LDLRAD3: variants seen among roughly 807,000 people sequenced by gnomAD.
LDLRAD3 encodes low density lipoprotein receptor class A domain containing 3, also known as low-density lipoprotein receptor class A domain-containing protein 3.
LDLRAD3 carries 20 observed loss-of-function variants against 29.4 expected under a neutral mutation model. The observed-to-expected ratio is 0.68, with a 90% CI of 0.48 to 0.99. The LOEUF is 0.99. Among genes scored for constraint, LDLRAD3 ranks in the 50% least tolerant of loss-of-function variants. LDLRAD3 has a pLI of 0.00. For missense variants in LDLRAD3, 420 were observed against 454.3 expected, an observed-to-expected ratio of 0.92 and a Z score of 0.69; for synonymous variants, 157 against 192.7, an observed-to-expected ratio of 0.81 and a Z score of 1.53.
At chr11:35,962,756 C>A (rs1565127028) in intron 1 of LDLRAD3, among the ~76,000 whole-genome samples, 1 of 152,144 alleles carries the variant, frequency 6.6e-6, no homozygotes, top group African/African-American at 2.4e-5. Flanking sequence ...AAATTAAAAT[C>A]TCTGTAGACT....
rs968704910 is a variant in LDLRAD3 at position 36,231,982 on chromosome 11, A to G, written c.*2585A>G. The G allele has an allele frequency of 1.3e-5, 2 of 152,212 alleles. No homozygotes were observed. Among genetic ancestry groups the G allele is most frequent in the African/African-American group, 2.4e-5 (1 of 41,446 alleles). The allele number at this position is 152,212 out of a possible 1,614,324, so 9.4% of individuals were successfully genotyped here. On this transcript the variant is annotated 3_prime_UTR_variant, in exon 6 of 6. Coordinates refer to ENST00000315571, the MANE Select transcript of LDLRAD3 (RefSeq NM_174902.4). Reference sequence around the variant, plus strand: ...CAGCTCCCTCTACCTTGAAATTGACATTTTTAAAAAATGCAACTAAGTGGT... The same window carrying G: ...CAGCTCCCTCTACCTTGAAATTGACGTTTTTAAAAAATGCAACTAAGTGGT...
chr11:36,036,439 A>G (rs1852305959), intron 2 of LDLRAD3, among the ~76,000 whole-genome samples, 190 bp downstream of exon 2: 1 of 151,938 alleles, frequency 6.6e-6, no homozygotes, highest in South Asian at 2.1e-4. Flanking sequence ...AGACACAGGG[A>G]TCTTGGTGGT....
intron 1 of LDLRAD3, among the ~76,000 whole-genome samples, chr11:35,996,330 G>A (rs1399353432): frequency 6.6e-6 from 1 of 152,110 alleles, no homozygotes; most frequent in African/African-American, 2.4e-5. Flanking sequence ...CTGATGGTGG[G>A]GTAGTAAGAG....
chr11:36,179,299 C>G (rs549939376), intron 4 of LDLRAD3, among the ~76,000 whole-genome samples: 1 of 152,182 alleles, frequency 6.6e-6, no homozygotes, highest in South Asian at 2.1e-4. Flanking sequence ...CATGGTGAAA[C>G]CCCATCTCTA....
chr11:35,963,436 T>G (rs888388676), intron 1 of LDLRAD3, among the ~76,000 whole-genome samples: 4 of 151,384 alleles, frequency 2.6e-5, no homozygotes, highest in African/African-American at 7.3e-5. Context: ...TGTGTGTGTT[T>G]TTTTTTTTTT....
At chr11:36,140,690 G>A (rs1045885592) in intron 4 of LDLRAD3, among the ~76,000 whole-genome samples, 64 of 151,958 alleles carry the variant, frequency 4.2e-4, no homozygotes, top group Admixed American at 5.9e-4. Flanking sequence ...CTAAGTGCTG[G>A]GATTACAGAC....
At chr11:36,194,407 C>G (rs945353343) in intron 4 of LDLRAD3, among the ~76,000 whole-genome samples, 3 of 152,168 alleles carry the variant, frequency 2.0e-5, no homozygotes, top group Non-Finnish European at 2.9e-5. Context: ...GAAGTGTAAT[C>G]CTATTGTGTA....
intron 4 of LDLRAD3, among the ~76,000 whole-genome samples, chr11:36,182,692 G>T (rs1233009479): frequency 6.6e-6 from 1 of 152,142 alleles, no homozygotes; most frequent in Non-Finnish European, 1.5e-5. Context: ...ATTGTGGAAT[G>T]TTGCCACTCA....
intron 3 of LDLRAD3, among the ~76,000 whole-genome samples, chr11:36,082,950 A>C (rs7113890): frequency 0.97 from 147,198 of 152,312 alleles, 71,306 homozygotes; most frequent in East Asian, 1. Flanking sequence ...CTACTTGAGC[A>C]TTCATAATTA....
chr11:36,218,350 C>T (rs1249968990), intron 4 of LDLRAD3, among the ~76,000 whole-genome samples: 5 of 152,182 alleles, frequency 3.3e-5, no homozygotes, highest in African/African-American at 1.2e-4. Context: ...CTGTGAACGA[C>T]AGGCCAAACA....
intron 1 of LDLRAD3, among the ~76,000 whole-genome samples, chr11:36,034,028 C>T (rs1852273362): frequency 6.6e-6 from 1 of 152,200 alleles, no homozygotes; most frequent in Admixed American, 6.5e-5. Context: ...CTCTGGGCTA[C>T]GTCTTCCTGC....
At chr11:36,116,715 T>G (rs1379483533) in intron 4 of LDLRAD3, among the ~76,000 whole-genome samples, 3 of 151,940 alleles carry the variant, frequency 2.0e-5, no homozygotes, top group African/African-American at 4.8e-5. Context: ...CTGGCACTAG[T>G]TTAAAAGCCA....
chr11:36,064,235 A>C (rs1207803609), intron 2 of LDLRAD3, among the ~76,000 whole-genome samples: 3 of 152,166 alleles, frequency 2.0e-5, no homozygotes, highest in Non-Finnish European at 4.4e-5. Context: ...ATACAAATAC[A>C]ATTGATTTTG....
At chr11:36,160,190 G>A (rs532707604) in intron 4 of LDLRAD3, among the ~76,000 whole-genome samples, 1 of 152,192 alleles carries the variant, frequency 6.6e-6, no homozygotes, top group South Asian at 2.1e-4. Flanking sequence ...TGAAGTGAAC[G>A]TGATAAAATT....
intron 1 of LDLRAD3, among the ~76,000 whole-genome samples, chr11:35,983,387 T>A (rs1401450367): frequency 6.6e-6 from 1 of 152,222 alleles, no homozygotes; most frequent in Non-Finnish European, 1.5e-5. Context: ...TTGCATTATA[T>A]TTCTGGTCAC....
intron 4 of LDLRAD3, among the ~76,000 whole-genome samples, chr11:36,125,708 T>C (rs1853826750): frequency 6.6e-6 from 1 of 152,190 alleles, no homozygotes; most frequent in African/African-American, 2.4e-5. Context: ...AACAGTGCTG[T>C]AAGGTGAACA....
chr11:36,056,319 A>G (rs76201001), intron 2 of LDLRAD3, among the ~76,000 whole-genome samples: 2,632 of 152,208 alleles, frequency 0.017, 69 homozygotes, highest in African/African-American at 0.06. Context: ...ACAGCAACTG[A>G]ATTTTATATA....
intron 4 of LDLRAD3, among the ~76,000 whole-genome samples, chr11:36,123,289 A>G (rs1431719868): frequency 6.6e-6 from 1 of 152,252 alleles, no homozygotes. Context: ...TAAATGTAAT[A>G]TGATGTGTGC....
At chr11:36,008,549 A>T (rs7949046) in intron 1 of LDLRAD3, among the ~76,000 whole-genome samples, 67,882 of 152,016 alleles carry the variant, frequency 0.45, 15,426 homozygotes, top group South Asian at 0.6. Context: ...TACACAGGCA[A>T]TTCTTTGGGT....
Sources: allele counts gnomAD v4.1 joint callset (sites outside exome capture counted in the v4.1 genomes callset), GRCh38; gene constraint gnomAD v4.1.1; transcripts MANE v1.5; gene names NCBI Gene and HGNC (gene_info 2026-07-23, HGNC 2026-07-21).